Variants in DISP1 observed in about 807,000 individuals in gnomAD.
DISP1 encodes the protein dispatched RND transporter family member 1.
In DISP1, 30 loss-of-function variants were observed where a neutral mutation model predicts 37.3. That is an observed-to-expected ratio of 0.80 (90% confidence interval 0.60 to 1.09). The LOEUF (loss-of-function observed/expected upper bound fraction) is 1.09. Ranked by LOEUF, DISP1 falls within the 50% of genes least tolerant of loss-of-function variation. The probability of loss-of-function intolerance (pLI) is 0.00; values close to 1 mark genes in which losing one functional copy is unlikely to be tolerated. For missense variants in DISP1, 1,598 were observed against 1,879.5 expected (o/e 0.85, Z 2.77); for synonymous variants, 634 against 690.2 (o/e 0.92, Z 1.28).
rs182956218 is a variant in DISP1 at position 222,993,063 on chromosome 1, T to C, written c.889+953T>C. On this transcript the variant is annotated intron_variant, in intron 7 of 8. Coordinates refer to ENST00000675850, the MANE Select transcript of DISP1 (RefSeq NM_001377229.1). ...TTTTAGTAGAGACGGGGTTTCTCCA[T>C]CCGTGTTGGTTAGGCTGCTCTCGAA... Among the ~76,000 whole-genome samples, 427 of 152,008 alleles carry C rather than the reference T, an allele frequency of 2.8e-3. 2 individuals are homozygous for C. The highest frequency in any genetic ancestry group is 1.0e-2 in the African/African-American group (413 of 41,478).
chr1:222,955,859 G>C (rs940640329), intron 3 of DISP1, among the ~76,000 whole-genome samples: 9 of 152,116 alleles, frequency 5.9e-5, no homozygotes, highest in Admixed American at 2.6e-4. Context: ...CTTGAAAGCA[G>C]AATACAATGA....
At chr1:222,918,986 G>A (rs1236944379) in intron 1 of DISP1, among the ~76,000 whole-genome samples, 7 of 152,234 alleles carry the variant, frequency 4.6e-5, no homozygotes, top group Admixed American at 6.5e-5. Flanking sequence ...TACAAACCGT[G>A]TGGGTGCCCT....
intron 3 of DISP1, among the ~76,000 whole-genome samples, chr1:222,977,092 C>A (rs980328964): frequency 1.3e-5 from 2 of 152,118 alleles, no homozygotes; most frequent in East Asian, 3.9e-4. Flanking sequence ...TACAATGGCG[C>A]GATCTCGGTT....
At chr1:222,964,429 G>A (rs1251781828) in intron 3 of DISP1, among the ~76,000 whole-genome samples, 1 of 152,136 alleles carries the variant, frequency 6.6e-6, no homozygotes, top group Non-Finnish European at 1.5e-5. Context: ...GCAAACACAA[G>A]AGAATGAAAT....
At chr1:222,826,693 C>T (rs1485019143) in intron 1 of DISP1, among the ~76,000 whole-genome samples, 2 of 152,094 alleles carry the variant, frequency 1.3e-5, no homozygotes, top group African/African-American at 4.8e-5. Flanking sequence ...CTGGCCTACA[C>T]TTTAAGAATT....
rs1224364362 is a variant in DISP1, at chr1:223,005,752, CA to C, written c.4356del (p.Glu1453AsnfsTer15). The C allele has an allele frequency of 6.2e-7, 1 of 1,614,140 alleles. No individual in the cohort carries two copies. ...SLSQTDASVN[S>X]EHFNQNEPKV... ...TCACAGACGGATGCAAGTGTGAACT[CA>C]GAACATTTCAATCAGAATGAACCAA... On this transcript the variant is annotated frameshift_variant, in exon 9 of 9. Transcript: ENST00000675850. LOFTEE classifies it low-confidence loss of function (END_TRUNC).
At chr1:222,850,257 C>G (rs1668147033) in intron 1 of DISP1, among the ~76,000 whole-genome samples, 1 of 152,110 alleles carries the variant, frequency 6.6e-6, no homozygotes, top group African/African-American at 2.4e-5. Flanking sequence ...TTTGCTAACC[C>G]TCTTGATTAT....
chr1:222,902,335 G>C (rs936482133), intron 1 of DISP1, among the ~76,000 whole-genome samples: 1 of 152,094 alleles, frequency 6.6e-6, no homozygotes, highest in Non-Finnish European at 1.5e-5. Context: ...TGAATGTGTC[G>C]CAGAGATTCT....
intron 1 of DISP1, among the ~76,000 whole-genome samples, chr1:222,902,302 A>G (rs1232011790): frequency 6.6e-6 from 1 of 152,194 alleles, no homozygotes; most frequent in Non-Finnish European, 1.5e-5. Context: ...TTAGTGCTGT[A>G]AATTTCCCTC....
intron 1 of DISP1, among the ~76,000 whole-genome samples, chr1:222,892,709 A>G (rs1016404269): frequency 6.6e-6 from 1 of 152,246 alleles, no homozygotes; most frequent in Non-Finnish European, 1.5e-5. Flanking sequence ...TTGATGTGAA[A>G]TCAGAAACAT....
At position 222,966,031 on chromosome 1, in the gene DISP1, A is replaced by AATGG. The variant is rs574766498; in HGVS notation, c.510-17026_510-17023dup. Among the ~76,000 whole-genome samples the AATGG allele has an allele frequency of 6.7e-3, 1,013 of 152,060 alleles. 5 individuals carry two copies. Among genetic ancestry groups the AATGG allele is most frequent in the Non-Finnish European group, 0.01 (692 of 67,968 alleles). Reference sequence around the variant, plus strand: ...GGAACAGAGCAAGATCTTGTCTCTAAATGGATGGATGGATGGATGGATGGA... The same window carrying AATGG: ...GGAACAGAGCAAGATCTTGTCTCTAAATGGATGGATGGATGGATGGATGGATGGA... On this transcript the variant is annotated intron_variant, in intron 3 of 8. Coordinates refer to ENST00000675850, the MANE Select transcript of DISP1 (RefSeq NM_001377229.1).
At chr1:222,987,046 G>GATATATATAT (rs67964109) in intron 4 of DISP1, among the ~76,000 whole-genome samples, 12 of 146,068 alleles carry the variant, frequency 8.2e-5, no homozygotes, top group Non-Finnish European at 1.4e-4. Flanking sequence ...ACAGGATATG[G>GATATATATAT]ATATATATAT....
chr1:222,842,426 A>AGCT (rs1278277433), intron 1 of DISP1, among the ~76,000 whole-genome samples: 2 of 151,922 alleles, frequency 1.3e-5, no homozygotes, highest in African/African-American at 4.8e-5. Context: ...AGGAGATTAT[A>AGCT]GCTATACTTT....
intron 2 of DISP1, among the ~76,000 whole-genome samples, chr1:222,939,355 A>ATTTTTTTT (rs35313341): frequency 8.8e-6 from 1 of 113,014 alleles, no homozygotes; most frequent in South Asian, 3.3e-4. Flanking sequence ...AAGAAAAATA[A>ATTTTTTTT]TTTTTTTTTT....
chr1:222,994,138 T>G (rs752157426), intron 7 of DISP1, among the ~76,000 whole-genome samples: 3 of 152,170 alleles, frequency 2.0e-5, no homozygotes, highest in Non-Finnish European at 4.4e-5. Flanking sequence ...TTCTCACAGC[T>G]ATTTGAGATA....
intron 3 of DISP1, among the ~76,000 whole-genome samples, chr1:222,951,777 G>A (rs994370569): frequency 6.6e-6 from 1 of 152,206 alleles, no homozygotes; most frequent in African/African-American, 2.4e-5. Context: ...CTTCAAAGAT[G>A]TAGAAGTAGA....
chr1:222,908,744 A>G (rs1035173528), intron 1 of DISP1, among the ~76,000 whole-genome samples: 1 of 152,176 alleles, frequency 6.6e-6, no homozygotes, highest in African/African-American at 2.4e-5. Flanking sequence ...TAATGAATTT[A>G]CTTTCTTCAT....
chr1:222,959,700 CAAAAA>C (rs139605919), intron 3 of DISP1, among the ~76,000 whole-genome samples: 3 of 111,830 alleles, frequency 2.7e-5, no homozygotes, highest in Non-Finnish European at 5.4e-5. Context: ...AACTCTGTCT[CAAAAA>C]AAAAAAAAAA....
At chr1:222,972,526 A>C (rs184440592) in intron 3 of DISP1, among the ~76,000 whole-genome samples, 12 of 152,090 alleles carry the variant, frequency 7.9e-5, no homozygotes, top group African/African-American at 2.7e-4. Flanking sequence ...AACAACCCCT[A>C]ATCCAGTAAG....
Sources: gnomAD v4.1 joint callset for allele counts (sites outside exome capture counted in the v4.1 genomes callset) on GRCh38, gnomAD v4.1.1 for gene constraint, MANE v1.5 for transcripts, NCBI Gene and HGNC (gene_info 2026-07-23, HGNC 2026-07-21) for gene names.